MTHFD1L: variants seen among roughly 807,000 people sequenced by gnomAD.
MTHFD1L encodes the protein monofunctional C1-tetrahydrofolate synthase, mitochondrial.
A neutral mutation model predicts 119.5 loss-of-function variants in MTHFD1L; 81 were observed. That is an observed-to-expected ratio of 0.68 (90% CI 0.57 to 0.82). The LOEUF (loss-of-function observed/expected upper bound fraction) is 0.82, where lower values mean the gene tolerates loss of function less well. MTHFD1L is among the 40% of genes least tolerant of loss of function. The probability of loss-of-function intolerance (pLI) is 0.00; values close to 1 mark genes in which losing one functional copy is unlikely to be tolerated. For missense variants in MTHFD1L, 1,125 were observed against 1,253.4 expected (o/e 0.90, Z 1.55); for synonymous variants, 430 against 475.2 (o/e 0.90, Z 1.24).
intron 25 of MTHFD1L, among the ~76,000 whole-genome samples, chr6:151,036,140 G>A (rs978946802): frequency 3.3e-5 from 5 of 152,250 alleles, no homozygotes; most frequent in South Asian, 2.1e-4. Flanking sequence ...GATGTCAACC[G>A]GGCACGGTGC....
At chr6:150,955,854 C>A in intron 16 of MTHFD1L, 141 bp from the exon 17 acceptor site, 1 of 666,674 alleles carries the variant, frequency 1.5e-6, no homozygotes, top group Admixed American at 2.5e-5. Flanking sequence ...TCTATGTCTA[C>A]CCACTAGATG....
intron 20 of MTHFD1L, among the ~76,000 whole-genome samples, chr6:151,007,424 A>AGTCTACGTGATAT (rs1301501386): frequency 4.0e-5 from 6 of 151,474 alleles, no homozygotes; most frequent in African/African-American, 1.2e-4. Flanking sequence ...GATTTTTAGC[A>AGTCTACGTGATAT]AGTGGGAGAA....
rs573909755 is a variant in MTHFD1L at position 151,024,685 on chromosome 6, C to T, written c.2586+8992C>T. Among the ~76,000 whole-genome samples the T allele has an allele frequency of 4.6e-5, 7 of 152,202 alleles. No homozygotes were observed. In the East Asian group the frequency reaches 1.4e-3, roughly 29 times the overall value. On this transcript the variant is annotated intron_variant, in intron 24 of 27. Transcript: ENST00000367321. ...CTGTACTAAAAATACAAAAATGAGC[C>T]GGGCATCGTGGTGCGTGCCTGTAAT...
Position 150,926,053 on chromosome 6 carries a change from T to A in MTHFD1L, c.1083-69T>A. 3 of 1,405,976 alleles carry A rather than the reference T, an allele frequency of 2.1e-6. No homozygotes were observed. Among genetic ancestry groups the A allele is most frequent in the Middle Eastern group, 1.9e-4 (1 of 5,218 alleles). The allele number at this position is 1,405,976 out of a possible 1,614,324, so 87.1% of individuals were successfully genotyped here. ...TCATCGTTGGCGTGATGTGTGGCTG[T>A]TTTCACTCCAGTTGTGACCACCTAA... On this transcript the variant is annotated intron_variant, in intron 10 of 27. Transcript: ENST00000367321. The surrounding 1 kb of genome is among the most constrained non-coding windows in gnomAD (Gnocchi z 4.3).
At position 151,101,514 on chromosome 6, in the gene MTHFD1L, T is replaced by C. The variant is rs922684754; in HGVS notation, c.*32-12T>C. 1 of 152,628 alleles carries C rather than the reference T, an allele frequency of 6.6e-6. No individual in the cohort carries two copies. Among genetic ancestry groups the C allele is most frequent in the Non-Finnish European group, 1.5e-5 (1 of 68,036 alleles). The allele number at this position is 152,628 out of a possible 1,614,324, so 9.5% of individuals were successfully genotyped here. On this transcript the variant is annotated splice_polypyrimidine_tract_variant and intron_variant, in intron 27 of 27. Coordinates refer to ENST00000367321, the MANE Select transcript of MTHFD1L (RefSeq NM_015440.5). ...AAACTACTCAAACATGGTTTTTTTT[T>C]CTATTTTTCAGACTCCTGAAACAGA... is the stretch of plus-strand genomic sequence containing the variant.
intron 20 of MTHFD1L, among the ~76,000 whole-genome samples, chr6:151,003,404 T>C (rs917681775): frequency 6.6e-6 from 1 of 151,968 alleles, no homozygotes; most frequent in Admixed American, 6.6e-5. Context: ...TGGTGGTGGG[T>C]GCCTGTAGTC....
chr6:151,091,194 G>A (rs62441057), intron 26 of MTHFD1L, among the ~76,000 whole-genome samples: 37,166 of 138,132 alleles, frequency 0.27, 4,551 homozygotes, highest in East Asian at 0.47. Context: ...GTGCAGCATC[G>A]TTCCATGCGA....
In MTHFD1L at chr6:150,865,942, C is replaced by A. The variant is rs1166207943; in HGVS notation, c.120C>A (p.Gly40=). Residue 40 remains glycine (G), a synonymous_variant, in exon 1 of 28, where the codon GGC becomes GGA. Transcript: ENST00000367321. ...GCAGCGGCGGCGGCGGAGGCGGCGG[C>A]GGTGGCCGGGAGGGCCTGCTTGGAC... ...RASSGGGGGG[G]GGREGLLGQR... is the part of the protein sequence containing the mutation. The A allele has an allele frequency of 2.5e-6, 3 of 1,218,244 alleles. No homozygotes were observed. The highest frequency in any genetic ancestry group is 1.6e-5 in the African/African-American group (1 of 62,440). 75.5% of individuals were successfully genotyped at this position (1,218,244 alleles called of 1,614,324 possible).
Position 151,007,472 on chromosome 6 carries a change from G to A in MTHFD1L, c.2126-2347G>A, listed in dbSNP as rs777630059. On this transcript the variant is annotated intron_variant, in intron 20 of 27. Coordinates refer to ENST00000367321, the MANE Select transcript of MTHFD1L (RefSeq NM_015440.5). Reference sequence around the variant, plus strand: ...TTACAAAGATGTGAACTATTTTTGTGAGTTCTCAGTATGCACCAAGAAAAA... The same window carrying A: ...TTACAAAGATGTGAACTATTTTTGTAAGTTCTCAGTATGCACCAAGAAAAA... Among the ~76,000 whole-genome samples, 84 of 152,156 alleles carry A rather than the reference G, an allele frequency of 5.5e-4. 1 individual carries two copies. The highest frequency in any genetic ancestry group is 8.3e-4 in the South Asian group (4 of 4,822).
At chr6:150,885,133 G>C (rs1262342243) in intron 5 of MTHFD1L, among the ~76,000 whole-genome samples, 2 of 152,008 alleles carry the variant, frequency 1.3e-5, no homozygotes, top group Non-Finnish European at 2.9e-5. Context: ...TACTGCCTTA[G>C]AATTTTCTAA....
In MTHFD1L at chr6:151,039,733, G is replaced by A. The variant is rs1786767834; in HGVS notation, c.2847+2616G>A. 6.6e-6 allele frequency among the ~76,000 whole-genome samples: 1 copy of A among 152,130 alleles called. No individual in the cohort carries two copies. The highest frequency in any genetic ancestry group is 2.4e-5 in the African/African-American group (1 of 41,436). On this transcript the variant is annotated intron_variant, in intron 26 of 27. Coordinates refer to ENST00000367321, the MANE Select transcript of MTHFD1L (RefSeq NM_015440.5). This position sits in a 1 kb window ranked among gnomAD's most constrained non-coding sequence, Gnocchi z 4.4. ...AGTTCGAGACCTGCCTGGCCAAAAT[G>A]GTGAAACCCCATCACTACTAAAAAT...
rs369204782 is a variant in MTHFD1L, at chr6:150,979,220, A to G, written c.2125+7162A>G. 4.6e-5 allele frequency among the ~76,000 whole-genome samples: 7 copies of G among 152,194 alleles called. No homozygotes were observed. The East Asian group carries it at 7.7e-4, about 17-fold the overall frequency. ...GCCATCGCACTCCAGCCTGGGCAAC[A>G]AGAGCAAAACTCTGTCTCAAAAAAA... On this transcript the variant is annotated intron_variant, in intron 20 of 27. Transcript: ENST00000367321.
At chr6:151,047,911 A>G (rs1584308553) in intron 26 of MTHFD1L, among the ~76,000 whole-genome samples, 2 of 152,268 alleles carry the variant, frequency 1.3e-5, no homozygotes, top group East Asian at 1.9e-4. Flanking sequence ...ATGGCTGGGG[A>G]GGCCTCAGGA....
intron 20 of MTHFD1L, among the ~76,000 whole-genome samples, chr6:150,983,389 T>C (rs529579799): frequency 6.6e-6 from 1 of 152,330 alleles, no homozygotes; most frequent in South Asian, 2.1e-4. Flanking sequence ...GTGTCTTTTT[T>C]CCTTAACTCT....
At chr6:151,061,144 G>A (rs990643862) in intron 26 of MTHFD1L, among the ~76,000 whole-genome samples, 9 of 152,116 alleles carry the variant, frequency 5.9e-5, no homozygotes, top group African/African-American at 9.7e-5. Flanking sequence ...AATTTTAGGC[G>A]GAAGATAGTT....
intron 24 of MTHFD1L, among the ~76,000 whole-genome samples, chr6:151,024,090 G>C (rs531073419): frequency 6.6e-6 from 1 of 152,104 alleles, no homozygotes; most frequent in Admixed American, 6.6e-5. Context: ...CCCAGTCTCT[G>C]AGAGGTTGGG....
At chr6:150,934,301 T>G (rs1005878599) in intron 11 of MTHFD1L, among the ~76,000 whole-genome samples, 1 of 152,246 alleles carries the variant, frequency 6.6e-6, no homozygotes, top group Non-Finnish European at 1.5e-5. Context: ...TTTATCTAGT[T>G]AACATTTATT....
intron 19 of MTHFD1L, among the ~76,000 whole-genome samples, chr6:150,968,432 A>G (rs555805905): frequency 7.6e-4 from 116 of 152,374 alleles, no homozygotes; most frequent in Non-Finnish European, 1.4e-3. Context: ...ATATTCCTTC[A>G]TAACACTTCT....
At chr6:151,099,953 T>G in intron 27 of MTHFD1L, 1 of 982,828 alleles carries the variant, frequency 1.0e-6, no homozygotes, top group Non-Finnish European at 1.6e-6. Context: ...GTGCACATTT[T>G]CTGTTTAAAT....
Sources: gnomAD v4.1 joint callset for allele counts (sites outside exome capture counted in the v4.1 genomes callset) on GRCh38, gnomAD v4.1.1 for gene constraint, Gnocchi (gnomAD v3.1) non-coding constraint, MANE v1.5 for transcripts, NCBI Gene and HGNC (gene_info 2026-07-23, HGNC 2026-07-21) for gene names.